Variants in FER1L6 observed in about 807,000 individuals in gnomAD.
FER1L6 encodes fer-1 like family member 6.
A neutral mutation model predicts 219.2 loss-of-function variants in FER1L6; 177 were observed. That is an observed-to-expected ratio of 0.81 (90% CI 0.71 to 0.91). The LOEUF (loss-of-function observed/expected upper bound fraction) is 0.91. Ranked by LOEUF, FER1L6 falls within the 40% of genes least tolerant of loss-of-function variation. The probability of loss-of-function intolerance (pLI) is 0.00; values close to 1 mark genes in which losing one functional copy is unlikely to be tolerated. For missense variants in FER1L6, 2,153 were observed against 2,259.9 expected (o/e 0.95, Z 0.96); for synonymous variants, 768 against 824.3 (o/e 0.93, Z 1.17).
At chr8:123,943,052 C>T (rs1306058722) in intron 1 of FER1L6, among the ~76,000 whole-genome samples, 1 of 152,238 alleles carries the variant, frequency 6.6e-6, no homozygotes, top group Non-Finnish European at 1.5e-5. Flanking sequence ...GTACCAATCT[C>T]TCTGTGGCTC....
rs1817108582 is a variant in FER1L6 at position 123,881,454 on chromosome 8, T to C, written c.-8+29269T>C. ...TAAGACTCTTGAGTACTGACTTATA[T>C]GATATTTAGTCCGAGTGAAGAGTGA... On this transcript the variant is annotated intron_variant, in intron 1 of 40. Coordinates refer to ENST00000522917, the MANE Select transcript of FER1L6 (RefSeq NM_001039112.2). Among the ~76,000 whole-genome samples, 11 of 152,320 alleles carry C rather than the reference T, an allele frequency of 7.2e-5. No individual in the cohort carries two copies. In the South Asian group the frequency reaches 2.3e-3, roughly 32 times the overall value.
intron 22 of FER1L6, among the ~76,000 whole-genome samples, chr8:124,052,208 A>C (rs906760115): frequency 1.3e-5 from 2 of 152,302 alleles, no homozygotes; most frequent in East Asian, 3.9e-4. Flanking sequence ...TAGACTTTCA[A>C]CGAGTGATTT....
intron 13 of FER1L6, 71 bp from the exon 14 acceptor site, chr8:124,010,523 T>A: frequency 1.3e-6 from 2 of 1,582,836 alleles, no homozygotes; most frequent in Non-Finnish European, 1.7e-6. Flanking sequence ...GTATAAAACA[T>A]TAACGTGTGA....
At position 124,039,934 on chromosome 8, in the gene FER1L6, C is replaced by A. The variant is rs755821423; in HGVS notation, c.2517C>A (p.Ile839=). The part of the protein sequence containing the change: ...RAHMYQARGL[I]AADSNGLSDP... Reference sequence around the variant, plus strand: ...ACATGTACCAAGCCCGGGGCCTCATCGCAGCTGACAGCAATGGACTTTCAG... The same window carrying A: ...ACATGTACCAAGCCCGGGGCCTCATAGCAGCTGACAGCAATGGACTTTCAG... The change falls in exon 20 of 41, where the codon ATC becomes ATA. Residue 839 remains isoleucine (I), a synonymous_variant. Coordinates refer to ENST00000522917, the MANE Select transcript of FER1L6 (RefSeq NM_001039112.2). 1.5e-5 allele frequency: 24 copies of A among 1,614,032 alleles called. No homozygotes were observed. Among genetic ancestry groups the A allele is most frequent in the Non-Finnish European group, 2.0e-5 (24 of 1,180,020 alleles).
At chr8:124,045,171 A>C (rs188906223) in intron 20 of FER1L6, among the ~76,000 whole-genome samples, 90 of 152,342 alleles carry the variant, frequency 5.9e-4, no homozygotes, top group African/African-American at 2.0e-3. Flanking sequence ...GTCAAGAATC[A>C]TGTAATCTCC....
At chr8:124,012,679 C>A (rs948994920) in intron 14 of FER1L6, among the ~76,000 whole-genome samples, 14 of 152,230 alleles carry the variant, frequency 9.2e-5, no homozygotes, top group African/African-American at 3.4e-4. Flanking sequence ...CCAAGGCAAT[C>A]TGACTCTGGA....
chr8:124,017,011 C>A (rs1048485064), intron 15 of FER1L6, among the ~76,000 whole-genome samples: 4 of 152,142 alleles, frequency 2.6e-5, no homozygotes, highest in Non-Finnish European at 2.9e-5. Context: ...TCTTCACCAA[C>A]TTTGAATATT....
chr8:124,090,613 G>GTTGA (rs1821988860), intron 33 of FER1L6, among the ~76,000 whole-genome samples: 1 of 152,204 alleles, frequency 6.6e-6, no homozygotes, highest in African/African-American at 2.4e-5. Context: ...TATAAGCCAT[G>GTTGA]TTGATTTGTT....
intron 14 of FER1L6, among the ~76,000 whole-genome samples, chr8:124,012,184 C>G (rs7836233): frequency 6.6e-6 from 1 of 152,202 alleles, no homozygotes; most frequent in Non-Finnish European, 1.5e-5. Context: ...GAACAAATTT[C>G]TCTGTCCCAT....
intron 39 of FER1L6, among the ~76,000 whole-genome samples, chr8:124,103,827 C>G (rs998934334): frequency 6.6e-6 from 1 of 152,224 alleles, no homozygotes; most frequent in Non-Finnish European, 1.5e-5. Context: ...ACCTCCTTCA[C>G]TGATCCTCTG....
At chr8:123,899,840 G>A (rs535855183) in intron 1 of FER1L6, among the ~76,000 whole-genome samples, 121 of 152,278 alleles carry the variant, frequency 7.9e-4, no homozygotes, top group African/African-American at 2.8e-3. Context: ...TCTCTATTCT[G>A]TTCCATTGGT....
At chr8:123,949,813 T>G (rs1814676365) in intron 1 of FER1L6, among the ~76,000 whole-genome samples, 1 of 152,122 alleles carries the variant, frequency 6.6e-6, no homozygotes, top group African/African-American at 2.4e-5. Context: ...GTGAGGAATG[T>G]AAACATGATG....
chr8:124,099,102 T>C (rs982470720), intron 37 of FER1L6, among the ~76,000 whole-genome samples: 3 of 152,200 alleles, frequency 2.0e-5, no homozygotes, highest in African/African-American at 7.2e-5. Flanking sequence ...GAAAGCTCAT[T>C]TTCTGCCGTC....
intron 1 of FER1L6, among the ~76,000 whole-genome samples, chr8:123,910,837 G>T (rs1813037227): frequency 6.6e-6 from 1 of 152,110 alleles, no homozygotes; most frequent in Admixed American, 6.6e-5. Context: ...CATATCTTAA[G>T]ACTAGTCAAG....
At chr8:124,109,847 C>T (rs1822943640) in intron 39 of FER1L6, among the ~76,000 whole-genome samples, 1 of 152,208 alleles carries the variant, frequency 6.6e-6, no homozygotes, top group Non-Finnish European at 1.5e-5. Context: ...CCGGCAACTG[C>T]TCTGACTGTG....
At chr8:123,950,172 A>T (rs1198601590) in intron 1 of FER1L6, among the ~76,000 whole-genome samples, 1 of 152,152 alleles carries the variant, frequency 6.6e-6, no homozygotes, top group African/African-American at 2.4e-5. Context: ...TCTGTACTGC[A>T]TTGTTGACTT....
intron 1 of FER1L6, among the ~76,000 whole-genome samples, chr8:123,937,419 G>A (rs926712199): frequency 1.3e-5 from 2 of 152,114 alleles, no homozygotes; most frequent in African/African-American, 4.8e-5. Context: ...CCAATTAGCT[G>A]GACCAATGGG....
Position 124,060,174 on chromosome 8 carries a change from C to T in FER1L6, c.2875-6C>T, listed in dbSNP as rs370013178. The T allele has an allele frequency of 1.2e-4, 194 of 1,608,738 alleles. No individual in the cohort carries two copies. Among genetic ancestry groups the T allele is most frequent in the Middle Eastern group, 1.6e-4 (1 of 6,072 alleles). On this transcript the variant is annotated splice_polypyrimidine_tract_variant and splice_region_variant and intron_variant, in intron 22 of 40. Transcript: ENST00000522917. ...GCATCTAACTCATACTTGCCTTGTG[C>T]GGTAGGTTCCTCCTTCTGGGCTGCA...
intron 24 of FER1L6, among the ~76,000 whole-genome samples, chr8:124,061,016 C>T (rs1265941476): frequency 3.3e-5 from 5 of 152,140 alleles, no homozygotes; most frequent in East Asian, 1.9e-4. Flanking sequence ...TTCTCAGGCC[C>T]GGCTGTTCTG....
Sources: allele counts gnomAD v4.1 joint callset (sites outside exome capture counted in the v4.1 genomes callset), GRCh38; gene constraint gnomAD v4.1.1; transcripts MANE v1.5; gene names NCBI Gene and HGNC (gene_info 2026-07-23, HGNC 2026-07-21).